CEP72: variants seen among roughly 807,000 people sequenced by gnomAD.
CEP72 encodes centrosomal protein 72, also known as centrosomal protein of 72 kDa.
Under a neutral mutation model 65.7 loss-of-function variants are expected in CEP72, and 78 were observed. That is an observed-to-expected ratio of 1.19 (90% CI 0.99 to 1.43). The LOEUF (loss-of-function observed/expected upper bound fraction) is 1.43, where lower values mean the gene tolerates loss of function less well. CEP72 is among the 40% of genes most tolerant of loss of function. The probability of loss-of-function intolerance (pLI) is 0.00; values close to 1 mark genes in which losing one functional copy is unlikely to be tolerated. For missense variants in CEP72, 914 were observed against 832.9 expected, an observed-to-expected ratio of 1.10 and a Z score of -1.20; for synonymous variants, 358 against 351.7, an observed-to-expected ratio of 1.02 and a Z score of -0.20.
At chr5:673,900 A>T in the CEP72 span, among the ~76,000 whole-genome samples, 1 of 152,228 alleles carries the variant, frequency 6.6e-6, no homozygotes, top group South Asian at 2.1e-4. Context: ...ACAGCCACCC[A>T]GCCCCACCCA....
At chr5:643,706 C>T (rs1738217882) in intron 9 of CEP72, 2 of 975,708 alleles carry the variant, frequency 2.0e-6, no homozygotes, top group Non-Finnish European at 2.4e-6. Context: ...GCCGCAGGTG[C>T]TGGCGGCTTG....
chr5:645,931 A>G lies in CEP72; in HGVS notation c.1666+1506A>G, dbSNP rs1262210789. Reference sequence around the variant, plus strand: ...TGGACGGTGAATTCGGCTTCGTTACACTGTGTGAGCGTCACTCCTGCTCCC... The same window carrying G: ...TGGACGGTGAATTCGGCTTCGTTACGCTGTGTGAGCGTCACTCCTGCTCCC... On this transcript the variant is annotated intron_variant, in intron 10 of 11. Coordinates refer to ENST00000264935, the MANE Select transcript of CEP72 (RefSeq NM_018140.4). The surrounding 1 kb of genome is among the most constrained non-coding windows in gnomAD (Gnocchi z 4.0). Among the ~76,000 whole-genome samples, 3 of 149,064 alleles carry G rather than the reference A, an allele frequency of 2.0e-5. No individual in the cohort carries two copies. Among genetic ancestry groups the G allele is most frequent in the East Asian group, 4.0e-4 (2 of 5,048 alleles).
At chr5:644,092 C>T in intron 9 of CEP72, 1 of 549,348 alleles carries the variant, frequency 1.8e-6, no homozygotes. Context: ...CTCCTCACTT[C>T]CCCCCTCCCC....
the CEP72 span, among the ~76,000 whole-genome samples, chr5:675,656 C>T: frequency 2.2e-4 from 33 of 152,028 alleles, no homozygotes; most frequent in African/African-American, 7.0e-4. Context: ...GACGGACCCT[C>T]GAGGGCTGAG....
the CEP72 span, among the ~76,000 whole-genome samples, chr5:673,572 G>A: frequency 2.8e-3 from 430 of 152,260 alleles, 2 homozygotes; most frequent in African/African-American, 9.8e-3. Context: ...CACTCACGGT[G>A]CCCAGCCTGC....
Position 647,934 on chromosome 5 carries a change from T to C in CEP72, c.1778+18T>C. On this transcript the variant is annotated intron_variant, in intron 11 of 11. Transcript: ENST00000264935. ...AGCCACAGGTGCCTGCCCGTGAGACTTGGGTGGGCCCCCGAGGGGAGGAGG... is the reference window on the plus strand; with the variant it reads ...AGCCACAGGTGCCTGCCCGTGAGACCTGGGTGGGCCCCCGAGGGGAGGAGG... 1 of 1,585,490 alleles carries C rather than the reference T, an allele frequency of 6.3e-7. No homozygotes were observed. The highest frequency in any genetic ancestry group is 8.6e-7 in the Non-Finnish European group (1 of 1,158,184).
intron 4 of CEP72, among the ~76,000 whole-genome samples, chr5:631,480 C>T (rs1737182448): frequency 2.0e-5 from 1 of 49,810 alleles, no homozygotes; most frequent in Non-Finnish European, 3.7e-5. Flanking sequence ...TGTCCAGCGC[C>T]GGGATTTGGA....
At chr5:673,347 C>G in the CEP72 span, among the ~76,000 whole-genome samples, 27 of 152,212 alleles carry the variant, frequency 1.8e-4, no homozygotes, top group African/African-American at 6.3e-4. Flanking sequence ...CAGGGACCCC[C>G]CGAGGGGAGT....
rs956890543 is a variant in CEP72 at position 645,464 on chromosome 5, A to G, written c.1666+1039A>G. Among the ~76,000 whole-genome samples the G allele has an allele frequency of 5.9e-4, 89 of 151,256 alleles. No homozygotes were observed. Among genetic ancestry groups the G allele is most frequent in the African/African-American group, 1.8e-3 (76 of 41,176 alleles). On this transcript the variant is annotated intron_variant, in intron 10 of 11. Transcript: ENST00000264935. This position sits in a 1 kb window ranked among gnomAD's most constrained non-coding sequence, Gnocchi z 4.0. ...CATTTCGTCGTAAAGGTGATGAGAA[A>G]AAAAAAAAAAAACAGTTCCCTGCCC... is the stretch of plus-strand genomic sequence containing the variant.
intron 11 of CEP72, among the ~76,000 whole-genome samples, chr5:652,322 G>A (rs970382747): frequency 1.3e-5 from 2 of 152,194 alleles, no homozygotes; most frequent in Non-Finnish European, 2.9e-5. Context: ...AGTGAACAGG[G>A]CCTGGGCCTG....
intron 6 of CEP72, among the ~76,000 whole-genome samples, chr5:636,421 C>G (rs772155258): frequency 6.6e-6 from 1 of 152,204 alleles, no homozygotes; most frequent in Non-Finnish European, 1.5e-5. Context: ...ATGGCAATAG[C>G]TACATTTTGA....
chr5:634,159 C>T (rs1359263775), intron 5 of CEP72, among the ~76,000 whole-genome samples: 1 of 152,210 alleles, frequency 6.6e-6, no homozygotes, highest in South Asian at 2.1e-4. Context: ...TATAGTCATA[C>T]TGCATGATGG....
In CEP72 at chr5:640,432, CTGT is replaced by C. The variant is rs1561051702; in HGVS notation, c.1370_1372del (p.Val457del). On this transcript the variant is annotated inframe_deletion, in exon 9 of 12. Coordinates refer to ENST00000264935, the MANE Select transcript of CEP72 (RefSeq NM_018140.4). ...GCTCAGGCAAGACACATCTTGTCAT[CTGT>C]TGAAGAATTCACAGCAGCTCAGGAC... 1 of 1,614,074 alleles carries C rather than the reference CTGT, an allele frequency of 6.2e-7. No homozygotes were observed. Among genetic ancestry groups the C allele is most frequent in the East Asian group, 2.2e-5 (1 of 44,886 alleles).
intron 10 of CEP72, among the ~76,000 whole-genome samples, chr5:646,649 T>C (rs1045620447): frequency 6.6e-6 from 1 of 152,166 alleles, no homozygotes; most frequent in African/African-American, 2.4e-5. Context: ...CTCTGAGGGA[T>C]TGCACGGCTG....
chr5:665,094 A>G (rs746991540), intron 2 of CEP72: 1 of 1,607,460 alleles, frequency 6.2e-7, no homozygotes, highest in Non-Finnish European at 8.5e-7. Flanking sequence ...CGAGGCATGG[A>G]GCGGGGGCTA....
intron 9 of CEP72, chr5:642,565 T>A (rs1738128463): frequency 1.0e-6 from 1 of 985,370 alleles, no homozygotes; most frequent in African/African-American, 1.7e-5. Flanking sequence ...CGAGCACCAG[T>A]GCTGCCAGGG....
chr5:670,044 C>T (rs1740154114), downstream of CEP72, among the ~76,000 whole-genome samples: 1 of 151,982 alleles, frequency 6.6e-6, no homozygotes, highest in Non-Finnish European at 1.5e-5. Context: ...ATACACGATG[C>T]CCTGCGGGGC....
chr5:633,335 G>C (rs547127570), intron 4 of CEP72, among the ~76,000 whole-genome samples: 4 of 126,054 alleles, frequency 3.2e-5, no homozygotes, highest in African/African-American at 1.1e-4. Context: ...TCCTGGTGGG[G>C]TTCTGTCCAG....
chr5:633,374 G>A (rs1222569267), intron 4 of CEP72, among the ~76,000 whole-genome samples: 7 of 119,282 alleles, frequency 5.9e-5, no homozygotes, highest in Non-Finnish European at 1.3e-4. Context: ...TCCTGGTGGG[G>A]TTCTGTCCAG....
Sources: gnomAD v4.1 joint callset for allele counts (sites outside exome capture counted in the v4.1 genomes callset) on GRCh38, gnomAD v4.1.1 for gene constraint, Gnocchi (gnomAD v3.1) non-coding constraint, MANE v1.5 for transcripts, NCBI Gene and HGNC (gene_info 2026-07-23, HGNC 2026-07-21) for gene names.